NETO1: variants seen among roughly 807,000 people sequenced by gnomAD.
The protein encoded by NETO1 is neuropilin and tolloid-like protein 1.
Under a neutral mutation model 61.3 loss-of-function variants are expected in NETO1, and 26 were observed. The observed-to-expected ratio is 0.42, with a 90% CI of 0.31 to 0.59. The LOEUF is 0.59. Among genes scored for constraint, NETO1 ranks in the 20% least tolerant of loss-of-function variants. NETO1 has a pLI of 0.12. For missense variants in NETO1, 531 were observed against 662.8 expected (o/e 0.80, Z 2.18); for synonymous variants, 225 against 225.8 (o/e 1.00, Z 0.03).
chr18:72,846,032 C>T (rs112660686), intron 4 of NETO1, among the ~76,000 whole-genome samples: 1,596 of 151,974 alleles, frequency 0.011, 16 homozygotes, highest in Non-Finnish European at 0.013. Context: ...ATATCTCCTA[C>T]GCTGAAGGCT....
intron 4 of NETO1, among the ~76,000 whole-genome samples, chr18:72,847,962 A>T (rs1417791827): frequency 2.6e-5 from 4 of 152,312 alleles, no homozygotes; most frequent in South Asian, 2.1e-4. Flanking sequence ...TTCAGGATCA[A>T]GAGACTTCCC....
At chr18:72,865,653 A>G in intron 1 of NETO1, 1 of 1,578,406 alleles carries the variant, frequency 6.3e-7, no homozygotes, top group South Asian at 1.2e-5. Context: ...GAGGCAAACA[A>G]TGAGAACAGC....
At chr18:72,835,279 G>A (rs374426971) in intron 4 of NETO1, 72 of 1,579,034 alleles carry the variant, frequency 4.6e-5, no homozygotes, top group Non-Finnish European at 5.6e-5. Context: ...GAGAGATCAC[G>A]AAACACTCTG....
intron 1 of NETO1, chr18:72,866,641 A>G: frequency 1.1e-6 from 1 of 877,746 alleles, no homozygotes; most frequent in South Asian, 5.2e-5. Context: ...TAGTAATGAT[A>G]CATTTCCACC....
At chr18:72,853,232 G>C (rs938410723) in intron 4 of NETO1, 2 of 152,042 alleles carry the variant, frequency 1.3e-5, no homozygotes, top group East Asian at 3.9e-4. Context: ...ATGTGATTAT[G>C]CTCCTTACCT....
At chr18:72,827,441 A>C (rs2073416912) in intron 4 of NETO1, among the ~76,000 whole-genome samples, 1 of 152,226 alleles carries the variant, frequency 6.6e-6, no homozygotes, top group Non-Finnish European at 1.5e-5. Flanking sequence ...AGGGACCTGC[A>C]GTACAGTATC....
chr18:72,834,991 A>T, intron 4 of NETO1: 2 of 861,204 alleles, frequency 2.3e-6, no homozygotes, highest in Non-Finnish European at 1.4e-6. Flanking sequence ...ATAAAATATA[A>T]TATTATATTA....
intron 4 of NETO1, among the ~76,000 whole-genome samples, chr18:72,832,563 G>T (rs1479987158): frequency 6.6e-6 from 1 of 152,080 alleles, no homozygotes; most frequent in East Asian, 1.9e-4. Context: ...CAGATCTTAC[G>T]ACTCTGTCTC....
intron 8 of NETO1, among the ~76,000 whole-genome samples, chr18:72,754,420 A>G (rs1379655688): frequency 6.6e-6 from 1 of 152,150 alleles, no homozygotes; most frequent in Non-Finnish European, 1.5e-5. Flanking sequence ...AGATACAAAT[A>G]TAGACTGTCT....
chr18:72,830,049 G>T lies in NETO1; in HGVS notation c.469+28777C>A, dbSNP rs1165934978. ...GTTCAAGATAAAGGGATTTGGGGTG[G>T]ATCATAGTGTGTGTCTGTGAGATTG... On this transcript the variant is annotated intron_variant, in intron 4 of 10. Transcript: ENST00000327305. This position sits in a 1 kb window ranked among gnomAD's most constrained non-coding sequence, Gnocchi z 4.9. 2.6e-5 allele frequency among the ~76,000 whole-genome samples: 4 copies of T among 152,154 alleles called. No homozygotes were observed. The highest frequency in any genetic ancestry group is 2.6e-4 in the Admixed American group (4 of 15,280).
chr18:72,841,829 GCTTTC>G (rs1157107105), intron 4 of NETO1, among the ~76,000 whole-genome samples: 2 of 150,080 alleles, frequency 1.3e-5, no homozygotes, highest in Non-Finnish European at 3.0e-5. Context: ...TTCCAAATCT[GCTTTC>G]CTTTATCTGC....
chr18:72,849,315 G>A (rs976581101), intron 4 of NETO1, among the ~76,000 whole-genome samples: 5 of 152,146 alleles, frequency 3.3e-5, no homozygotes, highest in Admixed American at 6.5e-5. Context: ...CCTTTCCGTC[G>A]GTTTCCAAAC....
At chr18:72,865,527 C>T (rs747242794) in intron 1 of NETO1, 3 of 1,591,800 alleles carry the variant, frequency 1.9e-6, no homozygotes, top group South Asian at 1.1e-5. Context: ...ACTCATGTCA[C>T]ACACAGTACA....
intron 4 of NETO1, among the ~76,000 whole-genome samples, chr18:72,816,572 C>T (rs944575691): frequency 6.6e-6 from 1 of 152,096 alleles, no homozygotes; most frequent in African/African-American, 2.4e-5. Context: ...GTATTCAGGG[C>T]ATAGCACCAA....
chr18:72,824,222 T>G (rs1387487881), intron 4 of NETO1, among the ~76,000 whole-genome samples: 3 of 152,212 alleles, frequency 2.0e-5, no homozygotes, highest in Non-Finnish European at 4.4e-5. Context: ...ATTCCTAAAT[T>G]TAGTGGGTAC....
At chr18:72,797,190 G>A (rs2072345787) in intron 4 of NETO1, among the ~76,000 whole-genome samples, 1 of 152,008 alleles carries the variant, frequency 6.6e-6, no homozygotes, top group African/African-American at 2.4e-5. Context: ...TTATGTGCCT[G>A]TTTCTACAAT....
intron 4 of NETO1, among the ~76,000 whole-genome samples, chr18:72,843,672 T>C (rs6566673): frequency 0.85 from 128,765 of 152,132 alleles, 55,176 homozygotes; most frequent in Non-Finnish European, 0.91. Flanking sequence ...GCTACCGCCA[T>C]AATTCAGAAA....
At position 72,747,240 on chromosome 18, in the gene NETO1, C is replaced by G. The variant is rs918812218; in HGVS notation, c.*939G>C. On this transcript the variant is annotated 3_prime_UTR_variant, in exon 11 of 11. Transcript: ENST00000327305. The stretch of plus-strand genomic sequence containing the variant: ...TAACTCAAATTAGGAAATTATTATA[C>G]ATTTTATATATATTTATATAAAAAG... 1 of 151,824 alleles carries G rather than the reference C, an allele frequency of 6.6e-6. No individual in the cohort carries two copies. Among genetic ancestry groups the G allele is most frequent in the African/African-American group, 2.4e-5 (1 of 41,378 alleles). 9.4% of individuals were successfully genotyped at this position (151,824 alleles called of 1,614,324 possible). A position where few individuals can be genotyped will look rare whatever the true frequency, so the allele number is the denominator to read the frequency against.
chr18:72,770,058 CTCCAACATTATT>C (rs1257526014), intron 7 of NETO1, among the ~76,000 whole-genome samples: 1 of 151,942 alleles, frequency 6.6e-6, no homozygotes, highest in Non-Finnish European at 1.5e-5. Context: ...AAGATTCCAT[CTCCAACATTATT>C]TCATATTTTT....
Sources: allele counts gnomAD v4.1 joint callset (sites outside exome capture counted in the v4.1 genomes callset), GRCh38; gene constraint gnomAD v4.1.1; non-coding constraint Gnocchi (gnomAD v3.1); transcripts MANE v1.5; gene names NCBI Gene and HGNC (gene_info 2026-07-23, HGNC 2026-07-21).